The following ZNF90 variants were observed in gnomAD, a reference collection of about 807,000 sequenced individuals.
The protein encoded by ZNF90 is zinc finger protein 90.
Under a neutral mutation model 12.0 loss-of-function variants are expected in ZNF90, and 11 were observed. The ratio of observed to expected loss-of-function variants is 0.92; its 90% CI spans 0.58 to 1.52. ZNF90 has a LOEUF of 1.52. Among genes scored for constraint, ZNF90 ranks in the 40% most tolerant of loss-of-function variants. The pLI is 0.00. For missense variants in ZNF90, 765 were observed against 711.5 expected (o/e 1.08, Z -0.86); for synonymous variants, 232 against 240.1 (o/e 0.97, Z 0.31).
intron 3 of ZNF90, among the ~76,000 whole-genome samples, chr19:20,113,305 C>G (rs2089106353): frequency 6.6e-6 from 1 of 152,012 alleles, no homozygotes; most frequent in African/African-American, 2.4e-5. Flanking sequence ...CTTCTCCTGC[C>G]TCAGCCTTCC....
At chr19:20,090,094 T>C (rs1038880650) in intron 1 of ZNF90, among the ~76,000 whole-genome samples, 15 of 152,144 alleles carry the variant, frequency 9.9e-5, no homozygotes, top group African/African-American at 3.6e-4. Context: ...GGTTTGGGGA[T>C]AGCACCAAGA....
At chr19:20,115,449 T>A (rs1394484104) in intron 3 of ZNF90, among the ~76,000 whole-genome samples, 4 of 149,940 alleles carry the variant, frequency 2.7e-5, no homozygotes, top group Admixed American at 2.6e-4. Context: ...TGCTTTCAGG[T>A]TTTTAAAAAT....
intron 1 of ZNF90, 124 bp downstream of exon 1, chr19:20,078,259 GC>G: frequency 7.8e-7 from 1 of 1,282,060 alleles, no homozygotes; most frequent in Non-Finnish European, 1.1e-6. Context: ...ACTTCTCCTT[GC>G]CCAGTTCGGC....
At chr19:20,116,780 TTGC>T (rs2089140223) in intron 3 of ZNF90, among the ~76,000 whole-genome samples, 1 of 152,082 alleles carries the variant, frequency 6.6e-6, no homozygotes, top group Admixed American at 6.5e-5. Flanking sequence ...CAGTAATCAC[TTGC>T]TGCAGCCATT....
chr19:20,113,806 G>T (rs753648774), intron 3 of ZNF90, among the ~76,000 whole-genome samples: 2 of 151,966 alleles, frequency 1.3e-5, no homozygotes, highest in Admixed American at 6.6e-5. Context: ...CCAGCCTGAG[G>T]GACAGAGTGA....
intron 3 of ZNF90, among the ~76,000 whole-genome samples, chr19:20,116,901 T>C (rs918078062): frequency 6.6e-6 from 1 of 151,856 alleles, no homozygotes; most frequent in African/African-American, 2.4e-5. Context: ...AAGCGTTTTA[T>C]GTCATGGGAG....
At chr19:20,113,214 G>A (rs2089105425) in intron 3 of ZNF90, among the ~76,000 whole-genome samples, 1 of 151,062 alleles carries the variant, frequency 6.6e-6, no homozygotes, top group Non-Finnish European at 1.5e-5. Flanking sequence ...TTGAGAGGGA[G>A]TTTCACTCAT....
intron 1 of ZNF90, among the ~76,000 whole-genome samples, chr19:20,081,221 C>T (rs766772750): frequency 6.6e-6 from 1 of 152,064 alleles, no homozygotes; most frequent in African/African-American, 2.4e-5. Flanking sequence ...CAGAGTCTTG[C>T]TCTTTTGCCC....
intron 3 of ZNF90, among the ~76,000 whole-genome samples, chr19:20,107,342 C>T (rs558583730): frequency 1.4e-4 from 22 of 152,232 alleles, no homozygotes; most frequent in African/African-American, 2.4e-4. Flanking sequence ...TAAATAAACC[C>T]GATCCTGGTC....
At chr19:20,083,596 G>A (rs1301765715) in intron 1 of ZNF90, among the ~76,000 whole-genome samples, 3 of 152,016 alleles carry the variant, frequency 2.0e-5, no homozygotes, top group Admixed American at 1.3e-4. Context: ...CAAAGTGCTG[G>A]GATTACAGGC....
chr19:20,107,404 T>A (rs1197520638), intron 3 of ZNF90, among the ~76,000 whole-genome samples: 1 of 152,182 alleles, frequency 6.6e-6, no homozygotes, highest in Non-Finnish European at 1.5e-5. Flanking sequence ...AGGGCCTGCC[T>A]TCTGACTAGA....
At chr19:20,079,115 C>CAAAAAAAAA (rs139573879) in intron 1 of ZNF90, among the ~76,000 whole-genome samples, 1 of 68,776 alleles carries the variant, frequency 1.5e-5, no homozygotes, top group African/African-American at 4.3e-5. Context: ...GGAGAGTCCT[C>CAAAAAAAAA]AAAAAAAAAA....
intron 1 of ZNF90, among the ~76,000 whole-genome samples, chr19:20,096,046 G>A (rs1297765299): frequency 6.6e-6 from 1 of 152,200 alleles, no homozygotes. Context: ...GATAAAACGT[G>A]TCTCCTTTGT....
chr19:20,078,941 G>C (rs2088799381), intron 1 of ZNF90, among the ~76,000 whole-genome samples: 1 of 151,978 alleles, frequency 6.6e-6, no homozygotes. Flanking sequence ...CCAACGTGGT[G>C]AAACCTCTCT....
At chr19:20,108,589 A>G (rs972491883) in intron 3 of ZNF90, among the ~76,000 whole-genome samples, 1 of 152,024 alleles carries the variant, frequency 6.6e-6, no homozygotes, top group African/African-American at 2.4e-5. Flanking sequence ...AGTTGCTGAG[A>G]TTACAGGCAT....
intron 1 of ZNF90, among the ~76,000 whole-genome samples, chr19:20,086,445 A>T (rs1555702067): frequency 6.6e-6 from 1 of 151,836 alleles, no homozygotes; most frequent in Non-Finnish European, 1.5e-5. Context: ...CATGTTCACC[A>T]GCTTAATCTT....
chr19:20,118,567 A>G lies in ZNF90; in HGVS notation c.1013A>G (p.Glu338Gly), dbSNP rs567529582. The G allele has an allele frequency of 1.2e-6, 2 of 1,613,468 alleles. No homozygotes were observed. The highest frequency in any genetic ancestry group is 1.3e-5 in the African/African-American group (1 of 74,950). ...LSTHKRIHTGEKPYKCEECGK... is the reference protein window; with the variant it reads ...LSTHKRIHTGGKPYKCEECGK... ...ACACATAAGAGAATCCATACTGGAGAGAAACCCTACAAATGTGAAGAATGT... is the reference window on the plus strand; with the variant it reads ...ACACATAAGAGAATCCATACTGGAGGGAAACCCTACAAATGTGAAGAATGT... The change falls in exon 4 of 4, where the codon GAG (glutamate) becomes GGG (glycine). Residue 338 changes from glutamate to glycine, a missense_variant. Glu to Gly is a moderately conservative substitution (Grantham distance 98, BLOSUM62 -2). Coordinates refer to ENST00000418063, the MANE Select transcript of ZNF90 (RefSeq NM_007138.2).
At chr19:20,107,998 C>G (rs927681710) in intron 3 of ZNF90, among the ~76,000 whole-genome samples, 5 of 151,982 alleles carry the variant, frequency 3.3e-5, no homozygotes, top group Non-Finnish European at 7.4e-5. Context: ...ATCAGAGGGT[C>G]TAACCCTATT....
At chr19:20,116,138 G>A (rs2089135333) in intron 3 of ZNF90, among the ~76,000 whole-genome samples, 1 of 152,010 alleles carries the variant, frequency 6.6e-6, no homozygotes, top group Admixed American at 6.6e-5. Flanking sequence ...CTCCTAAATT[G>A]CTGGTATTAC....
Sources: gnomAD v4.1 joint callset for allele counts (sites outside exome capture counted in the v4.1 genomes callset) on GRCh38, gnomAD v4.1.1 for gene constraint, MANE v1.5 for transcripts, NCBI Gene and HGNC (gene_info 2026-07-23, HGNC 2026-07-21) for gene names.